The following GSPT1 variants were observed in gnomAD, a reference collection of about 807,000 sequenced individuals.
GSPT1 encodes the protein G1 to S phase transition 1.
GSPT1 carries 20 observed loss-of-function variants against 72.5 expected under a neutral mutation model. The observed-to-expected ratio is 0.28, with a 90% CI of 0.19 to 0.40. GSPT1 has a LOEUF of 0.40. Among genes scored for constraint, GSPT1 ranks in the 10% least tolerant of loss-of-function variants. The pLI, the probability that GSPT1 is intolerant of heterozygous loss-of-function variation, is 1.00. For missense variants in GSPT1, 580 were observed against 811.9 expected, an observed-to-expected ratio of 0.71 and a Z score of 3.47; for synonymous variants, 334 against 293.5, an observed-to-expected ratio of 1.14 and a Z score of -1.41.
In GSPT1 at chr16:11,897,839, C is replaced by G; in HGVS notation, c.436+1G>C. 6.7e-7 allele frequency: 1 copy of G among 1,492,360 alleles called. No homozygotes were observed. Among genetic ancestry groups the G allele is most frequent in the Non-Finnish European group, 9.2e-7 (1 of 1,087,530 alleles). 92.4% of individuals were successfully genotyped at this position (1,492,360 alleles called of 1,614,324 possible). A position where few individuals can be genotyped will look rare whatever the true frequency, so the allele number is the denominator to read the frequency against. On this transcript the variant is annotated splice_donor_variant, in intron 3 of 14. Coordinates refer to ENST00000434724, the MANE Select transcript of GSPT1 (RefSeq NM_002094.4). LOFTEE classifies it high-confidence loss of function. ...ATTAATATGGTCAGAAATTTTCTTA[C>G]CAATAGGTTCTGAAAGTTCCATGCT... is the stretch of plus-strand genomic sequence containing the variant.
At chr16:11,883,406 G>C (rs1343838402) in intron 10 of GSPT1, among the ~76,000 whole-genome samples, 4 of 136,232 alleles carry the variant, frequency 2.9e-5, no homozygotes, top group African/African-American at 1.1e-4. Flanking sequence ...CTGAGGTCAG[G>C]AGTTGGAGAC....
At position 11,896,649 on chromosome 16, in the gene GSPT1, C is replaced by G; in HGVS notation, c.573G>C (p.Glu191Asp). The change falls in exon 4 of 15, where the codon GAG becomes GAC. Residue 191 changes from glutamate (E) to aspartate (D), a missense_variant. Physicochemically the swap from Glu to Asp is conservative, Grantham distance 45. This residue lies in a region of GSPT1 where 327 missense variants were observed against 298.8 expected (regional missense o/e 1.09). Transcript: ENST00000434724. ...ACTTAGGTTTTGGGATTTCCTCTTC[C>G]TCCTCCATCATTTCATGGGCACTTT... is the stretch of plus-strand genomic sequence containing the variant. ...PEESAHEMME[E>D]EEEIPKPKSV... 2.5e-6 allele frequency: 4 copies of G among 1,609,596 alleles called. No homozygotes were observed. Among genetic ancestry groups the G allele is most frequent in the Non-Finnish European group, 3.4e-6 (4 of 1,177,794 alleles).
chr16:11,884,763 C>CAAA (rs35794680), intron 10 of GSPT1, among the ~76,000 whole-genome samples: 33 of 94,660 alleles, frequency 3.5e-4, no homozygotes, highest in African/African-American at 1.2e-3. Context: ...GACTCCGTCT[C>CAAA]AAAAAAAAAA....
rs1296366641 is a variant in GSPT1 at position 11,896,546 on chromosome 16, A to G, written c.664+12T>C. On this transcript the variant is annotated intron_variant, in intron 4 of 14. Coordinates refer to ENST00000434724, the MANE Select transcript of GSPT1 (RefSeq NM_002094.4). ...GTATCCAGTAACTTTAATTGCTATG[A>G]GAGCAGCTTACCTACGTGCCCAATG... The G allele has an allele frequency of 6.8e-7, 1 of 1,466,382 alleles. No individual in the cohort carries two copies. The highest frequency in any genetic ancestry group is 1.2e-5 in the South Asian group (1 of 83,758). The allele number at this position is 1,466,382 out of a possible 1,614,324, so 90.8% of individuals were successfully genotyped here. A position where few individuals can be genotyped will look rare whatever the true frequency, so the allele number is the denominator to read the frequency against.
chr16:11,916,212 C>A (rs2054635618), upstream of GSPT1: 6 of 343,360 alleles, frequency 1.7e-5, no homozygotes, highest in South Asian at 1.3e-4. Context: ...GGCTCCGGCT[C>A]CCGGCAGGCA....
intron 2 of GSPT1, 44 bp downstream of exon 2, chr16:11,897,950 A>C (rs1232670654): frequency 6.8e-7 from 1 of 1,461,924 alleles, no homozygotes. Flanking sequence ...CATATAGACA[A>C]CCTAATGTTT....
At position 11,870,097 on chromosome 16, in the gene GSPT1, A is replaced by G. The variant is rs568175707; in HGVS notation, c.*3022T>C. On this transcript the variant is annotated 3_prime_UTR_variant, in exon 15 of 15. Coordinates refer to ENST00000434724, the MANE Select transcript of GSPT1 (RefSeq NM_002094.4). ...AACTTTTGACATTCGGTTATCACAT[A>G]TTTCAAAGATTTTCAACTCACAAAA... 1 of 143,980 alleles carries G rather than the reference A, an allele frequency of 6.9e-6. No individual in the cohort carries two copies. The highest frequency in any genetic ancestry group is 2.4e-5 in the African/African-American group (1 of 40,982). 8.9% of individuals were successfully genotyped at this position (143,980 alleles called of 1,614,324 possible).
At chr16:11,883,440 C>G (rs1417636198) in intron 10 of GSPT1, among the ~76,000 whole-genome samples, 15 of 9,142 alleles carry the variant, frequency 1.6e-3, no homozygotes, top group Non-Finnish European at 7.8e-3. Context: ...ATGGCGAAAC[C>G]CCATCTCTAC....
chr16:11,876,219 A>T, intron 12 of GSPT1, 44 bp from the exon 13 acceptor site: 1 of 1,196,542 alleles, frequency 8.4e-7, no homozygotes, highest in Non-Finnish European at 1.2e-6. Flanking sequence ...CCTTAGGGTA[A>T]ATAAGAATTC....
intron 9 of GSPT1, 150 bp downstream of exon 9, chr16:11,886,321 C>T (rs937520391): frequency 1.8e-6 from 1 of 555,660 alleles, no homozygotes; most frequent in African/African-American, 1.9e-5. Context: ...ATTTTTAAAG[C>T]CAAGGTTACA....
Position 11,874,966 on chromosome 16 carries a change from C to T in GSPT1, c.1861+795G>A, listed in dbSNP as rs557097587. 2.1e-3 allele frequency among the ~76,000 whole-genome samples: 327 copies of T among 152,202 alleles called. 1 individual carries two copies. Among genetic ancestry groups the T allele is most frequent in the African/African-American group, 7.1e-3 (296 of 41,556 alleles). ...CAGCACTTTGGGAGGCCAAGGCGGG[C>T]GGATCACGAGGTCAGGAGATCAAGA... On this transcript the variant is annotated intron_variant, in intron 14 of 14. Transcript: ENST00000434724.
At chr16:11,907,908 C>G (rs999915186) in intron 1 of GSPT1, among the ~76,000 whole-genome samples, 1 of 152,166 alleles carries the variant, frequency 6.6e-6, no homozygotes, top group East Asian at 1.9e-4. Context: ...TTCAAACAAC[C>G]CTGAAAGACA....
In GSPT1 at chr16:11,868,317, G is replaced by C. The variant is rs1404626227; in HGVS notation, c.*4802C>G. 2.7e-5 allele frequency: 4 copies of C among 150,852 alleles called. No homozygotes were observed. The highest frequency in any genetic ancestry group is 4.4e-5 in the Non-Finnish European group (3 of 67,926). 9.3% of individuals were successfully genotyped at this position (150,852 alleles called of 1,614,324 possible). ...AGCACTCTTCCATGCTTTGGAATTA[G>C]GCTAAAAAACTCAACAAACCTGATC... On this transcript the variant is annotated 3_prime_UTR_variant, in exon 15 of 15. Transcript: ENST00000434724.
intron 1 of GSPT1, among the ~76,000 whole-genome samples, chr16:11,914,087 A>T (rs1162901690): frequency 6.6e-6 from 1 of 152,206 alleles, no homozygotes; most frequent in African/African-American, 2.4e-5. Flanking sequence ...AGAAATCAAC[A>T]ATATGTTCTC....
Position 11,883,011 on chromosome 16 carries a change from T to C in GSPT1, c.1428+4A>G, listed in dbSNP as rs1225771882. The C allele has an allele frequency of 3.8e-6, 6 of 1,576,320 alleles. No homozygotes were observed. Among genetic ancestry groups the C allele is most frequent in the Non-Finnish European group, 5.2e-6 (6 of 1,145,684 alleles). ...AGATAGGAAACAGCATAACCGATTC[T>C]TACCTTGTTTGGCATCATCACAAGC... On this transcript the variant is annotated splice_donor_region_variant and intron_variant, in intron 11 of 14. Coordinates refer to ENST00000434724, the MANE Select transcript of GSPT1 (RefSeq NM_002094.4).
intron 7 of GSPT1, 49 bp from the exon 8 acceptor site, chr16:11,886,980 C>T (rs766951017): frequency 4.3e-6 from 6 of 1,394,056 alleles, no homozygotes; most frequent in Non-Finnish European, 5.9e-6. Context: ...CAGGCATACC[C>T]TTATGGCAGT....
intron 1 of GSPT1, among the ~76,000 whole-genome samples, chr16:11,904,879 G>GT (rs1347544727): frequency 6.6e-6 from 1 of 152,182 alleles, no homozygotes; most frequent in Admixed American, 6.5e-5. Flanking sequence ...GAGGCCAGGA[G>GT]TTTGAGACCA....
chr16:11,877,529 C>T lies in GSPT1; in HGVS notation c.1480G>A (p.Val494Ile), dbSNP rs369309563. 1.2e-5 allele frequency: 20 copies of T among 1,610,000 alleles called. No individual in the cohort carries two copies. Among genetic ancestry groups the T allele is most frequent in the Non-Finnish European group, 1.6e-5 (19 of 1,177,144 alleles). Residue 494 changes from valine (V) to isoleucine (I), a missense_variant, in exon 12 of 15, where the codon GTA becomes ATA. Val to Ile is a conservative substitution (Grantham distance 29, BLOSUM62 3). Coordinates refer to ENST00000434724, the MANE Select transcript of GSPT1 (RefSeq NM_002094.4). The surrounding 1 kb of genome is among the most constrained non-coding windows in gnomAD (Gnocchi z 4.0). Reference sequence around the variant, plus strand: ...ATTTTGAGGTTTTCACCTGGGGCTACGGTATCAGTCTCTACATCATCGGAA... The same window carrying T: ...ATTTTGAGGTTTTCACCTGGGGCTATGGTATCAGTCTCTACATCATCGGAA... ...ILSDDVETDT[V>I]APGENLKIRL... is the part of the protein sequence containing the mutation.
At chr16:11,916,172 G>C, upstream of GSPT1, 2 of 364,310 alleles carry the variant, frequency 5.5e-6, no homozygotes, top group South Asian at 2.0e-5. Flanking sequence ...GACGGGAGTC[G>C]AAGTTCAGGG....
Sources: gnomAD v4.1 joint callset for allele counts (sites outside exome capture counted in the v4.1 genomes callset) on GRCh38, gnomAD v4.1.1 for gene constraint, gnomAD v4.1.1 regional missense constraint, Gnocchi (gnomAD v3.1) non-coding constraint, MANE v1.5 for transcripts, NCBI Gene and HGNC (gene_info 2026-07-23, HGNC 2026-07-21) for gene names.